The following B4GALT1 variants were observed in gnomAD, a reference collection of about 807,000 sequenced individuals.
B4GALT1 encodes N-acetyllactosamine synthase.
B4GALT1 carries 16 observed loss-of-function variants against 34.9 expected under a neutral mutation model. That is an observed-to-expected ratio of 0.46 (90% CI 0.31 to 0.70). The LOEUF is 0.70. Ranked by LOEUF, B4GALT1 falls within the 30% of genes least tolerant of loss-of-function variation. The pLI is 0.05. For synonymous variants in B4GALT1, 221 were observed against 218.1 expected (o/e 1.01, Z -0.12); for missense variants, 445 against 530.5 (o/e 0.84, Z 1.58).
chr9:33,159,239 A>G (rs1840641348), intron 1 of B4GALT1, among the ~76,000 whole-genome samples: 1 of 152,218 alleles, frequency 6.6e-6, no homozygotes, highest in Admixed American at 6.5e-5. Flanking sequence ...AGAAACTTTG[A>G]AAGAAAAAAA....
intron 3 of B4GALT1, among the ~76,000 whole-genome samples, chr9:33,119,122 A>G (rs549324944): frequency 1.3e-5 from 2 of 152,276 alleles, no homozygotes; most frequent in East Asian, 3.9e-4. Context: ...TCGGCCTCCC[A>G]AAGTGCTGCG....
chr9:33,133,441 T>C (rs1465223878), intron 2 of B4GALT1, among the ~76,000 whole-genome samples: 1 of 152,190 alleles, frequency 6.6e-6, no homozygotes, highest in African/African-American at 2.4e-5. Flanking sequence ...CTCTTCCAGG[T>C]GCTCGCTGCC....
At chr9:33,135,890 A>AGTGTGTGTGTGTGTGTGTGTGTGT (rs112875696) in intron 1 of B4GALT1, among the ~76,000 whole-genome samples, 2 of 104,046 alleles carry the variant, frequency 1.9e-5, no homozygotes, top group African/African-American at 6.7e-5. Flanking sequence ...TAACTGGGGA[A>AGTGTGTGTGTGTGTGTGTGTGTGT]GTGTGTGTGT....
intron 1 of B4GALT1, among the ~76,000 whole-genome samples, chr9:33,141,331 C>A (rs1840346515): frequency 6.6e-6 from 1 of 152,046 alleles, no homozygotes; most frequent in Non-Finnish European, 1.5e-5. Flanking sequence ...CATGGTGAAA[C>A]CCCATCTCTA....
intron 2 of B4GALT1, among the ~76,000 whole-genome samples, chr9:33,125,448 T>C (rs566418016): frequency 2.0e-5 from 3 of 152,230 alleles, no homozygotes; most frequent in South Asian, 4.1e-4. Flanking sequence ...CCATGGTTTA[T>C]ATGTCAAGGA....
At chr9:33,182,838 T>A in the B4GALT1 span, among the ~76,000 whole-genome samples, 1 of 152,162 alleles carries the variant, frequency 6.6e-6, no homozygotes, top group Admixed American at 6.6e-5. Flanking sequence ...TAATTTTTAT[T>A]GTGGAAAATT....
chr9:33,127,255 G>A (rs746388669), intron 2 of B4GALT1, among the ~76,000 whole-genome samples: 9 of 152,168 alleles, frequency 5.9e-5, no homozygotes, highest in South Asian at 4.1e-4. Context: ...GAGCCACCAC[G>A]CCCAGCCAGA....
At chr9:33,182,567 T>C in the B4GALT1 span, among the ~76,000 whole-genome samples, 2 of 146,110 alleles carry the variant, frequency 1.4e-5, no homozygotes, top group Non-Finnish European at 3.1e-5. Context: ...ACTCCTCCCT[T>C]TTTTCCCCCC....
At chr9:33,141,720 A>G in intron 1 of B4GALT1, among the ~76,000 whole-genome samples, 1 of 152,228 alleles carries the variant, frequency 6.6e-6, no homozygotes, top group East Asian at 1.9e-4. Flanking sequence ...GGGAGGATTC[A>G]TCACAGAGTT....
intron 1 of B4GALT1, among the ~76,000 whole-genome samples, chr9:33,166,527 C>T (rs778781182): frequency 7.2e-5 from 11 of 152,210 alleles, no homozygotes; most frequent in Non-Finnish European, 1.3e-4. Flanking sequence ...GGCCTCGGGA[C>T]TTCCCTGTGC....
At chr9:33,136,908 G>C (rs73473804) in intron 1 of B4GALT1, among the ~76,000 whole-genome samples, 10,326 of 152,132 alleles carry the variant, frequency 0.068, 525 homozygotes, top group African/African-American at 0.14. Flanking sequence ...CCTACTCCCG[G>C]AATCACTCGC....
At chr9:33,174,477 C>T in the B4GALT1 span, among the ~76,000 whole-genome samples, 2 of 151,856 alleles carry the variant, frequency 1.3e-5, no homozygotes, top group Non-Finnish European at 2.9e-5. Flanking sequence ...GGCGAAACCC[C>T]ATCTCTACTG....
intron 1 of B4GALT1, among the ~76,000 whole-genome samples, chr9:33,152,643 G>A (rs986442041): frequency 4.6e-5 from 7 of 151,972 alleles, no homozygotes; most frequent in East Asian, 1.9e-4. Flanking sequence ...TTGGGAGGCC[G>A]AGGCAGGTGA....
chr9:33,140,663 G>T lies in B4GALT1; in HGVS notation c.413-5239C>A, dbSNP rs760599545. Among the ~76,000 whole-genome samples the T allele has an allele frequency of 3.6e-4, 55 of 152,258 alleles. No homozygotes were observed. The Middle Eastern group carries it at 0.01, about 28-fold the overall frequency. ...GCTGGGATACTGGAATTTCTTCCTG[G>T]GTCTCAGACCTGACAGTACACTGCA... On this transcript the variant is annotated intron_variant, in intron 1 of 5. Coordinates refer to ENST00000379731, the MANE Select transcript of B4GALT1 (RefSeq NM_001497.4).
intron 1 of B4GALT1, among the ~76,000 whole-genome samples, chr9:33,137,802 C>T (rs917962928): frequency 1.3e-5 from 2 of 152,284 alleles, no homozygotes; most frequent in South Asian, 4.2e-4. Flanking sequence ...AGAGGGCCCT[C>T]GGGGATTCCC....
intron 1 of B4GALT1, among the ~76,000 whole-genome samples, chr9:33,145,095 G>A (rs1471531508): frequency 2.6e-5 from 4 of 152,142 alleles, no homozygotes; most frequent in African/African-American, 4.8e-5. Context: ...GCAAAGTTGC[G>A]CCAGTTGCTC....
At position 33,110,655 on chromosome 9, in the gene B4GALT1, G is replaced by A. The variant is rs1483234108; in HGVS notation, c.*2799C>T. Reference sequence around the variant, plus strand: ...AACCACCTGCAGTTACAAAGATAGGGTCATTTATTCACGTTATATTATTTA... The same window carrying A: ...AACCACCTGCAGTTACAAAGATAGGATCATTTATTCACGTTATATTATTTA... On this transcript the variant is annotated 3_prime_UTR_variant, in exon 6 of 6. Coordinates refer to ENST00000379731, the MANE Select transcript of B4GALT1 (RefSeq NM_001497.4). 6.6e-6 allele frequency: 1 copy of A among 152,108 alleles called. No individual in the cohort carries two copies. The highest frequency in any genetic ancestry group is 1.9e-4 in the East Asian group (1 of 5,198). 9.4% of individuals were successfully genotyped at this position (152,108 alleles called of 1,614,324 possible). A position where few individuals can be genotyped will look rare whatever the true frequency, so the allele number is the denominator to read the frequency against.
chr9:33,107,219 G>C (rs1839803898), downstream of B4GALT1, among the ~76,000 whole-genome samples: 3 of 152,162 alleles, frequency 2.0e-5, no homozygotes, highest in Non-Finnish European at 1.5e-5. Context: ...CGGAAATGAG[G>C]CTTGCCTGCC....
chr9:33,105,623 T>TTCCCC (rs1397221512), intron 2 of B4GALT1, among the ~76,000 whole-genome samples: 18 of 152,170 alleles, frequency 1.2e-4, no homozygotes, highest in African/African-American at 4.3e-4. Context: ...TAACTCCCCA[T>TTCCCC]TCCCCTTCCC....
Sources: allele counts gnomAD v4.1 joint callset (sites outside exome capture counted in the v4.1 genomes callset), GRCh38; gene constraint gnomAD v4.1.1; transcripts MANE v1.5; gene names NCBI Gene and HGNC (gene_info 2026-07-23, HGNC 2026-07-21).